SCAPER: variants seen among roughly 807,000 people sequenced by gnomAD.
SCAPER encodes S-phase cyclin A associated protein in the ER.
Under a neutral mutation model 182.2 loss-of-function variants are expected in SCAPER, and 98 were observed. That is an observed-to-expected ratio of 0.54 (90% CI 0.46 to 0.64). SCAPER has a LOEUF of 0.64. SCAPER is among the 30% of genes least tolerant of loss of function. SCAPER has a pLI of 0.00. For synonymous variants in SCAPER, 605 were observed against 564.6 expected (o/e 1.07, Z -1.01); for missense variants, 1,432 against 1,690.0 (o/e 0.85, Z 2.68).
intron 22 of SCAPER, among the ~76,000 whole-genome samples, chr15:76,585,597 GA>G (rs2145580136): frequency 6.6e-6 from 1 of 152,286 alleles, no homozygotes; most frequent in South Asian, 2.1e-4. Context: ...CAGCAGTACT[GA>G]GGGAGGCACA....
chr15:76,446,828 T>C (rs905511785), intron 25 of SCAPER, among the ~76,000 whole-genome samples: 3 of 152,212 alleles, frequency 2.0e-5, no homozygotes, highest in Non-Finnish European at 4.4e-5. Context: ...CAACTTATGA[T>C]TTTTTGACTT....
intron 1 of SCAPER, among the ~76,000 whole-genome samples, chr15:76,897,269 AC>A (rs1315834645): frequency 1.3e-5 from 2 of 152,222 alleles, no homozygotes; most frequent in African/African-American, 4.8e-5. Context: ...CACTGCAATT[AC>A]AACTTCAAAA....
At chr15:76,568,541 G>A (rs988617446) in intron 23 of SCAPER, among the ~76,000 whole-genome samples, 1 of 152,040 alleles carries the variant, frequency 6.6e-6, no homozygotes, top group Admixed American at 6.6e-5. Flanking sequence ...ATTTTTAGTA[G>A]AGACGGGGTT....
intron 22 of SCAPER, among the ~76,000 whole-genome samples, chr15:76,586,871 G>A (rs2048703929): frequency 6.6e-6 from 1 of 151,884 alleles, no homozygotes; most frequent in South Asian, 2.1e-4. Flanking sequence ...AGTGTCAGTA[G>A]AATTGGTACC....
chr15:76,875,290 A>C (rs973085360), intron 2 of SCAPER, among the ~76,000 whole-genome samples: 3 of 152,266 alleles, frequency 2.0e-5, no homozygotes, highest in Non-Finnish European at 2.9e-5. Context: ...CATAAATTAT[A>C]ATTTAATGTC....
At chr15:76,351,971 A>C (rs1315992434) in intron 30 of SCAPER, among the ~76,000 whole-genome samples, 1 of 152,240 alleles carries the variant, frequency 6.6e-6, no homozygotes, top group African/African-American at 2.4e-5. Context: ...ACAAAGGTAG[A>C]CTTAGTACTT....
intron 8 of SCAPER, among the ~76,000 whole-genome samples, chr15:76,786,784 T>C (rs1461302343): frequency 2.6e-5 from 4 of 152,114 alleles, no homozygotes; most frequent in Non-Finnish European, 5.9e-5. Flanking sequence ...CTCCAAGAAT[T>C]ATATGGGTTC....
At chr15:76,829,016 T>C (rs981327004) in intron 5 of SCAPER, among the ~76,000 whole-genome samples, 9 of 152,226 alleles carry the variant, frequency 5.9e-5, no homozygotes, top group African/African-American at 1.2e-4. Context: ...TGCATGTTTA[T>C]AGCAGCACAA....
chr15:76,490,500 A>T (rs2052187189), intron 24 of SCAPER, among the ~76,000 whole-genome samples: 1 of 152,022 alleles, frequency 6.6e-6, no homozygotes, highest in Non-Finnish European at 1.5e-5. Context: ...TTAAGTTGTT[A>T]ATATTTTTGT....
chr15:76,741,890 T>C (rs548550173), intron 15 of SCAPER, among the ~76,000 whole-genome samples: 22 of 152,144 alleles, frequency 1.4e-4, no homozygotes, highest in South Asian at 4.1e-4. Flanking sequence ...TAGAGCTCAG[T>C]TGAAGGTAGG....
intron 22 of SCAPER, among the ~76,000 whole-genome samples, chr15:76,612,586 C>CA (rs1254830378): frequency 6.6e-6 from 1 of 152,068 alleles, no homozygotes; most frequent in African/African-American, 2.4e-5. Flanking sequence ...TCTCAGGATA[C>CA]AAAATCAATG....
At chr15:76,461,165 T>C (rs963641844) in intron 25 of SCAPER, among the ~76,000 whole-genome samples, 2 of 152,150 alleles carry the variant, frequency 1.3e-5, no homozygotes, top group African/African-American at 4.8e-5. Flanking sequence ...TTATGCACTT[T>C]TGGCAAGAAT....
At chr15:76,821,772 G>A (rs555863845) in intron 5 of SCAPER, among the ~76,000 whole-genome samples, 3 of 151,858 alleles carry the variant, frequency 2.0e-5, no homozygotes, top group African/African-American at 7.2e-5. Context: ...AGTCAGGCAT[G>A]GTGACGCATG....
At chr15:76,440,584 A>T (rs932438107) in intron 25 of SCAPER, among the ~76,000 whole-genome samples, 3 of 152,218 alleles carry the variant, frequency 2.0e-5, no homozygotes, top group African/African-American at 7.2e-5. Flanking sequence ...ACTGAGAATC[A>T]ATAAGAGATT....
intron 21 of SCAPER, among the ~76,000 whole-genome samples, chr15:76,660,541 T>C (rs1430370277): frequency 6.6e-6 from 1 of 152,110 alleles, no homozygotes; most frequent in Non-Finnish European, 1.5e-5. Flanking sequence ...ACATGGAACA[T>C]AGATCTATGA....
chr15:76,561,358 G>T (rs1446233845), intron 23 of SCAPER, among the ~76,000 whole-genome samples: 1 of 151,924 alleles, frequency 6.6e-6, no homozygotes, highest in Non-Finnish European at 1.5e-5. Context: ...TGTAATAATT[G>T]ACATGCCTGG....
At chr15:76,842,129 T>C (rs1292672385) in intron 4 of SCAPER, among the ~76,000 whole-genome samples, 198 bp from the exon 5 acceptor site, 1 of 152,204 alleles carries the variant, frequency 6.6e-6, no homozygotes, top group East Asian at 1.9e-4. Context: ...AACATTTACA[T>C]TGCATTAGGT....
chr15:76,637,193 T>C (rs1186232713), intron 21 of SCAPER, among the ~76,000 whole-genome samples: 2 of 152,166 alleles, frequency 1.3e-5, no homozygotes, highest in Non-Finnish European at 2.9e-5. Flanking sequence ...ATCCCATCTC[T>C]ACACACCACT....
At chr15:76,904,917 T>C (rs1252224006) in intron 1 of SCAPER, 1 of 152,298 alleles carries the variant, frequency 6.6e-6, no homozygotes, top group East Asian at 1.9e-4. Flanking sequence ...TCCAGAAGCC[T>C]CGTCACCCGC....
Sources: gnomAD v4.1 joint callset for allele counts (sites outside exome capture counted in the v4.1 genomes callset) on GRCh38, gnomAD v4.1.1 for gene constraint, MANE v1.5 for transcripts, NCBI Gene and HGNC (gene_info 2026-07-23, HGNC 2026-07-21) for gene names.